SLC18A2: variants seen among roughly 807,000 people sequenced by gnomAD.
SLC18A2 encodes the protein solute carrier family 18 member A2.
Under a neutral mutation model 59.2 loss-of-function variants are expected in SLC18A2, and 33 were observed. The ratio of observed to expected loss-of-function variants is 0.56; its 90% confidence interval spans 0.42 to 0.75. The LOEUF (loss-of-function observed/expected upper bound fraction) is 0.75. Ranked by LOEUF, SLC18A2 falls within the 30% of genes least tolerant of loss-of-function variation. SLC18A2 has a pLI of 0.00. For synonymous variants in SLC18A2, 228 were observed against 253.5 expected (o/e 0.90, Z 0.95); for missense variants, 569 against 668.6 (o/e 0.85, Z 1.64).
At chr10:117,257,942 C>T in intron 10 of SLC18A2, 50 bp downstream of exon 10, 2 of 1,342,362 alleles carry the variant, frequency 1.5e-6, no homozygotes, top group Non-Finnish European at 1.0e-6. Context: ...GTCCCCAGGG[C>T]AGCCTTTGTC....
At chr10:117,264,561 G>T (rs1212537271) in intron 10 of SLC18A2, among the ~76,000 whole-genome samples, 1 of 152,224 alleles carries the variant, frequency 6.6e-6, no homozygotes, top group Non-Finnish European at 1.5e-5. Flanking sequence ...TGGCCACAGA[G>T]AGTGGCGTCT....
At chr10:117,266,624 G>A in intron 10 of SLC18A2, 109 bp from the exon 11 acceptor site, 1 of 847,608 alleles carries the variant, frequency 1.2e-6, no homozygotes, top group Non-Finnish European at 1.9e-6. Context: ...TGGGCCCCGG[G>A]GCTTCGTTTT....
At chr10:117,268,856 C>A (rs1844381077) in intron 13 of SLC18A2, among the ~76,000 whole-genome samples, 2 of 151,804 alleles carry the variant, frequency 1.3e-5, no homozygotes, top group Admixed American at 6.6e-5. Flanking sequence ...GCATGTGTAT[C>A]CATGTATGTG....
At chr10:117,243,777 G>C (rs566516291) in intron 2 of SLC18A2, among the ~76,000 whole-genome samples, 194 bp from the exon 3 acceptor site, 3 of 152,058 alleles carry the variant, frequency 2.0e-5, no homozygotes, top group Admixed American at 6.5e-5. Context: ...GTAGAGAGAG[G>C]GTTTCTCCAT....
In SLC18A2 at chr10:117,255,315, G is replaced by T; in HGVS notation, c.739G>T (p.Gly247Trp). 6.2e-7 allele frequency: 1 copy of T among 1,614,224 alleles called. No individual in the cohort carries two copies. The highest frequency in any genetic ancestry group is 8.5e-7 in the Non-Finnish European group (1 of 1,180,040). ...CGGGAGTGTGCTCTATGAGTTTGTGGGGAAGACGGCTCCGTTCCTGGTGCT... is the reference window on the plus strand; with the variant it reads ...CGGGAGTGTGCTCTATGAGTTTGTGTGGAAGACGGCTCCGTTCCTGGTGCT... ...PFGSVLYEFVGKTAPFLVLAA... is the reference protein window; with the variant it reads ...PFGSVLYEFVWKTAPFLVLAA... Residue 247 changes from glycine to tryptophan, a missense_variant, in exon 7 of 16, where the codon GGG becomes TGG. Physicochemically the swap from Gly to Trp is radical, Grantham distance 184 (BLOSUM62 -2). Around this residue, in one of 2 missense-constraint regions of SLC18A2, gnomAD observed 377 missense variants for 389.8 expected, o/e 0.97. Transcript: ENST00000644641.
In SLC18A2 at chr10:117,257,938, A is replaced by G. The variant is rs764710195; in HGVS notation, c.991+46A>G. ...TTCTGATTCAAGAGCATTTGTCCCCAGGGCAGCCTTTGTCCCCAGGGCATC... is the reference window on the plus strand; with the variant it reads ...TTCTGATTCAAGAGCATTTGTCCCCGGGGCAGCCTTTGTCCCCAGGGCATC... On this transcript the variant is annotated intron_variant, in intron 10 of 15. Transcript: ENST00000644641. The G allele has an allele frequency of 2.4e-5, 34 of 1,409,304 alleles. No homozygotes were observed. The South Asian group carries it at 4.1e-4, about 17-fold the overall frequency. The allele number at this position is 1,409,304 out of a possible 1,614,324, so 87.3% of individuals were successfully genotyped here. A position where few individuals can be genotyped will look rare whatever the true frequency, so the allele number is the denominator to read the frequency against.
At chr10:117,273,959 TATTG>T (rs1217585882) in intron 15 of SLC18A2, among the ~76,000 whole-genome samples, 2 of 152,252 alleles carry the variant, frequency 1.3e-5, no homozygotes, top group South Asian at 2.1e-4. Flanking sequence ...AATCCTCTCC[TATTG>T]ATTTTCTCTT....
chr10:117,277,310 C>CACTTTG lies in SLC18A2; in HGVS notation c.*45_*46insCTTTGA. 1.7e-6 allele frequency: 2 copies of CACTTTG among 1,191,678 alleles called. No individual in the cohort carries two copies. The highest frequency in any genetic ancestry group is 2.5e-6 in the Non-Finnish European group (2 of 813,424). The allele number at this position is 1,191,678 out of a possible 1,614,324, so 73.8% of individuals were successfully genotyped here. A position where few individuals can be genotyped will look rare whatever the true frequency, so the allele number is the denominator to read the frequency against. ...CATCAAAGTGTTTAATTGTATAAAACAGTGTTTCCAGTGACACAACTCATC... is the reference window on the plus strand; with the variant it reads ...CATCAAAGTGTTTAATTGTATAAAACACTTTGAGTGTTTCCAGTGACACAACTCATC... On this transcript the variant is annotated 3_prime_UTR_variant, in exon 16 of 16. Coordinates refer to ENST00000644641, the MANE Select transcript of SLC18A2 (RefSeq NM_003054.6).
intron 10 of SLC18A2, among the ~76,000 whole-genome samples, chr10:117,263,372 G>A (rs768239209): frequency 6.6e-6 from 1 of 152,226 alleles, no homozygotes; most frequent in Non-Finnish European, 1.5e-5. Context: ...AAGGGAGGCT[G>A]TTCTGCCTTT....
intron 9 of SLC18A2, among the ~76,000 whole-genome samples, chr10:117,256,190 T>G (rs779915427): frequency 2.0e-5 from 3 of 152,200 alleles, no homozygotes; most frequent in Non-Finnish European, 2.9e-5. Context: ...AAGGACATGC[T>G]TTGGCCTAGA....
chr10:117,241,552 G>A (rs1312327599), intron 1 of SLC18A2, 127 bp from the exon 2 acceptor site: 1 of 1,058,812 alleles, frequency 9.4e-7, no homozygotes, highest in Non-Finnish European at 1.3e-6. Flanking sequence ...GCCGAGGCTG[G>A]GGCGCCCGGG....
chr10:117,254,507 G>A lies in SLC18A2; in HGVS notation c.700+10G>A, dbSNP rs757073157. On this transcript the variant is annotated intron_variant, in intron 6 of 15. Transcript: ENST00000644641. ...GCCATGGGGGTCTTAGGTGGGTAAG[G>A]CCCCCGTGTAGGCAAACTGGCAAGA... is the stretch of plus-strand genomic sequence containing the variant. 1.3e-6 allele frequency: 2 copies of A among 1,585,428 alleles called. No homozygotes were observed. The highest frequency in any genetic ancestry group is 1.4e-5 in the African/African-American group (1 of 74,032).
rs1844512376 is a variant in SLC18A2, at chr10:117,277,336, C to T, written c.*70C>T. 3 of 933,586 alleles carry T rather than the reference C, an allele frequency of 3.2e-6. No individual in the cohort carries two copies. Among genetic ancestry groups the T allele is most frequent in the Non-Finnish European group, 5.0e-6 (3 of 597,060 alleles). The allele number at this position is 933,586 out of a possible 1,614,324, so 57.8% of individuals were successfully genotyped here. A position where few individuals can be genotyped will look rare whatever the true frequency, so the allele number is the denominator to read the frequency against. On this transcript the variant is annotated 3_prime_UTR_variant, in exon 16 of 16. Transcript: ENST00000644641. ...AGTGTTTCCAGTGACACAACTCATC[C>T]AGAACTGTCTTAGTCATACCATCCA... is the stretch of plus-strand genomic sequence containing the variant.
rs763414206 is a variant in SLC18A2, at chr10:117,266,786, G to A, written c.1045G>A (p.Gly349Arg). The A allele has an allele frequency of 6.2e-7, 1 of 1,613,628 alleles. No homozygotes were observed. The highest frequency in any genetic ancestry group is 1.7e-5 in the Admixed American group (1 of 59,984). ...ISYLIGTNIFGILAHKMGRWL... is the reference protein window; with the variant it reads ...ISYLIGTNIFRILAHKMGRWL... ...TTATCTCATTGGAACCAATATTTTT[G>A]GGATACTTGCACACAAAATGGGGAG... Residue 349 changes from glycine to arginine, a missense_variant, in exon 11 of 16, where the codon GGG (glycine) becomes AGG (arginine). By Grantham distance (125) the Gly-to-Arg change is moderately radical (BLOSUM62 -2). Transcript: ENST00000644641.
At chr10:117,250,036 T>G (rs2133729877) in intron 3 of SLC18A2, among the ~76,000 whole-genome samples, 1 of 152,312 alleles carries the variant, frequency 6.6e-6, no homozygotes, top group East Asian at 1.9e-4. Context: ...TAGGAGATAC[T>G]GTGGGGAAGC....
At chr10:117,260,179 C>A (rs4752045) in intron 10 of SLC18A2, among the ~76,000 whole-genome samples, 9 of 152,004 alleles carry the variant, frequency 5.9e-5, no homozygotes, top group Non-Finnish European at 8.8e-5. Flanking sequence ...TTGTGTTGCC[C>A]CGGTTGCCAT....
intron 9 of SLC18A2, 144 bp downstream of exon 9, chr10:117,255,801 A>G: frequency 2.9e-6 from 2 of 698,612 alleles, no homozygotes; most frequent in South Asian, 3.7e-5. Flanking sequence ...CAAAGAGGCT[A>G]CAAGTCAAAG....
At chr10:117,252,988 T>C (rs1844181272) in intron 3 of SLC18A2, among the ~76,000 whole-genome samples, 1 of 152,350 alleles carries the variant, frequency 6.6e-6, no homozygotes, top group Middle Eastern at 3.4e-3. Flanking sequence ...CTCTTAGACA[T>C]ACTGCAGTCT....
intron 15 of SLC18A2, among the ~76,000 whole-genome samples, chr10:117,274,128 A>G (rs1162670150): frequency 6.6e-6 from 1 of 152,184 alleles, no homozygotes; most frequent in Non-Finnish European, 1.5e-5. Flanking sequence ...CTTTTGAAAC[A>G]TTACATGCCA....
Sources: gnomAD v4.1 joint callset for allele counts (sites outside exome capture counted in the v4.1 genomes callset) on GRCh38, gnomAD v4.1.1 for gene constraint, gnomAD v4.1.1 regional missense constraint, MANE v1.5 for transcripts, NCBI Gene and HGNC (gene_info 2026-07-23, HGNC 2026-07-21) for gene names.